Variants in CRYBG1 observed in about 807,000 individuals in gnomAD.
The protein encoded by CRYBG1 is beta/gamma crystallin domain-containing protein 1.
Under a neutral mutation model 189.2 loss-of-function variants are expected in CRYBG1, and 139 were observed. The ratio of observed to expected loss-of-function variants is 0.73; its 90% CI spans 0.64 to 0.85. The LOEUF (loss-of-function observed/expected upper bound fraction) is 0.85, where lower values mean the gene tolerates loss of function less well. Among genes scored for constraint, CRYBG1 ranks in the 40% least tolerant of loss-of-function variants. CRYBG1 has a pLI of 0.00. For missense variants in CRYBG1, 2,611 were observed against 2,675.8 expected, an observed-to-expected ratio of 0.98 and a Z score of 0.53; for synonymous variants, 1,023 against 1,017.1, an observed-to-expected ratio of 1.01 and a Z score of -0.11.
At chr6:106,486,068 T>A (rs753185249) in intron 2 of CRYBG1, among the ~76,000 whole-genome samples, 1 of 152,182 alleles carries the variant, frequency 6.6e-6, no homozygotes, top group Admixed American at 6.5e-5. Context: ...TTAGAAATCT[T>A]TCCTCTTTTT....
chr6:106,551,427 AC>A (rs1388494885), intron 13 of CRYBG1, among the ~76,000 whole-genome samples: 8 of 152,162 alleles, frequency 5.3e-5, no homozygotes, highest in African/African-American at 1.9e-4. Context: ...ATCAATGAAC[AC>A]CTAGGTTGAT....
chr6:106,510,279 C>A (rs1773219069), intron 2 of CRYBG1, among the ~76,000 whole-genome samples: 1 of 152,250 alleles, frequency 6.6e-6, no homozygotes, highest in African/African-American at 2.4e-5. Context: ...CCTGCTCCCC[C>A]GCTTTCCCAG....
chr6:106,419,222 G>A (rs1406694067), intron 1 of CRYBG1, among the ~76,000 whole-genome samples: 2 of 152,144 alleles, frequency 1.3e-5, no homozygotes. Flanking sequence ...TTTACAGGCT[G>A]CTCTTTGTTA....
intron 4 of CRYBG1, among the ~76,000 whole-genome samples, chr6:106,523,730 CCTTT>C (rs1773663474): frequency 6.8e-6 from 1 of 146,672 alleles, no homozygotes; most frequent in African/African-American, 2.5e-5. Context: ...GCCCTTATGG[CCTTT>C]TTTTTTTTTT....
intron 1 of CRYBG1, among the ~76,000 whole-genome samples, chr6:106,363,199 G>A (rs1411198810): frequency 2.8e-5 from 4 of 140,990 alleles, no homozygotes; most frequent in African/African-American, 8.0e-5. Context: ...AGTCGAGATC[G>A]CGCCACTGCA....
chr6:106,458,896 A>G (rs1281139902), intron 2 of CRYBG1, among the ~76,000 whole-genome samples: 1 of 152,206 alleles, frequency 6.6e-6, no homozygotes, highest in Admixed American at 6.5e-5. Flanking sequence ...TGCAGCAAGC[A>G]AGAGCTGCCT....
At chr6:106,522,191 G>A (rs1399118877) in intron 4 of CRYBG1, among the ~76,000 whole-genome samples, 2 of 152,234 alleles carry the variant, frequency 1.3e-5, no homozygotes, top group Non-Finnish European at 2.9e-5. Flanking sequence ...TTGTGAAGGA[G>A]CTTCCTCTAT....
At chr6:106,500,822 G>A (rs1254580280) in intron 2 of CRYBG1, among the ~76,000 whole-genome samples, 2 of 152,148 alleles carry the variant, frequency 1.3e-5, no homozygotes, top group African/African-American at 4.8e-5. Flanking sequence ...ATAATCCAGA[G>A]GAGGAATATT....
At chr6:106,539,581 G>A (rs757806725) in intron 9 of CRYBG1, 52 bp downstream of exon 9, 2 of 1,566,430 alleles carry the variant, frequency 1.3e-6, no homozygotes, top group Admixed American at 3.7e-5. Context: ...AGCTTGACGT[G>A]GTAATTCACA....
At chr6:106,402,026 A>C (rs1465869722) in intron 1 of CRYBG1, among the ~76,000 whole-genome samples, 1 of 142,824 alleles carries the variant, frequency 7.0e-6, no homozygotes, top group Non-Finnish European at 1.5e-5. Flanking sequence ...GAGCCAAATC[A>C]TGAGTGAACT....
Position 106,519,206 on chromosome 6 carries a change from T to G in CRYBG1, c.1998T>G (p.Asn666Lys). 11 of 1,614,028 alleles carry G rather than the reference T, an allele frequency of 6.8e-6. No individual in the cohort carries two copies. The highest frequency in any genetic ancestry group is 9.3e-6 in the Non-Finnish European group (11 of 1,179,998). The change falls in exon 4 of 22, where the codon AAT (asparagine) becomes AAG (lysine). Residue 666 changes from asparagine (N) to lysine (K), a missense_variant. Coordinates refer to ENST00000633556, the MANE Select transcript of CRYBG1 (RefSeq NM_001371242.2). ...TTGACAGTTTGGGAAATGAGCACAA[T>G]CCATTTAGCCAGCCAGTTCACAAAG... is the stretch of plus-strand genomic sequence containing the variant. ...KNLDSLGNEH[N>K]PFSQPVHKGN...
In CRYBG1 at chr6:106,497,586, T is replaced by C. The variant is rs1003990833; in HGVS notation, c.313-13844T>C. 3.9e-5 allele frequency among the ~76,000 whole-genome samples: 6 copies of C among 152,234 alleles called. No homozygotes were observed. In the East Asian group the frequency reaches 1.2e-3, roughly 29 times the overall value. ...GTGTGCACACATGTGTGCGTGTATG[T>C]GATAGTCAAATACAGCCCAAAGGAA... On this transcript the variant is annotated intron_variant, in intron 2 of 21. Transcript: ENST00000633556.
chr6:106,394,046 G>A (rs1291394948), intron 1 of CRYBG1, among the ~76,000 whole-genome samples: 6 of 152,126 alleles, frequency 3.9e-5, no homozygotes, highest in Non-Finnish European at 8.8e-5. Context: ...TTGAATGAAA[G>A]GGTATACGGC....
intron 8 of CRYBG1, 34 bp downstream of exon 8, chr6:106,530,349 A>T (rs1437179163): frequency 6.3e-7 from 1 of 1,589,764 alleles, no homozygotes. Flanking sequence ...ATTTTAATGA[A>T]GTTTTTTTGT....
chr6:106,516,555 C>A (rs1773425874), intron 3 of CRYBG1, among the ~76,000 whole-genome samples: 1 of 152,154 alleles, frequency 6.6e-6, no homozygotes, highest in Non-Finnish European at 1.5e-5. Context: ...TCATGAAGGC[C>A]AAGTCCATGA....
At chr6:106,563,721 G>A (rs1171018535) in intron 20 of CRYBG1, 43 bp from the exon 21 acceptor site, 2 of 1,569,604 alleles carry the variant, frequency 1.3e-6, no homozygotes, top group Admixed American at 3.5e-5. Context: ...GAGACTTACA[G>A]CTGGATACAT....
intron 1 of CRYBG1, among the ~76,000 whole-genome samples, chr6:106,406,637 G>T (rs960964825): frequency 6.6e-6 from 1 of 152,212 alleles, no homozygotes; most frequent in African/African-American, 2.4e-5. Context: ...CAGCCAGAGA[G>T]AAAGGTCGGG....
intron 9 of CRYBG1, among the ~76,000 whole-genome samples, chr6:106,540,181 T>G (rs1487752075): frequency 6.6e-6 from 1 of 152,174 alleles, no homozygotes; most frequent in Non-Finnish European, 1.5e-5. Flanking sequence ...TGTTCTTTGT[T>G]TCTTCCGCTA....
intron 7 of CRYBG1, 26 bp from the exon 8 acceptor site, chr6:106,530,150 C>T (rs766059429): frequency 6.3e-7 from 1 of 1,580,342 alleles, no homozygotes; most frequent in Non-Finnish European, 8.6e-7. Flanking sequence ...GCAATTCTTA[C>T]TATCTATGCA....
Sources: gnomAD v4.1 joint callset for allele counts (sites outside exome capture counted in the v4.1 genomes callset) on GRCh38, gnomAD v4.1.1 for gene constraint, MANE v1.5 for transcripts, NCBI Gene and HGNC (gene_info 2026-07-23, HGNC 2026-07-21) for gene names.